GNAL: variants seen among roughly 807,000 people sequenced by gnomAD.
GNAL encodes the protein G protein subunit alpha L.
A neutral mutation model predicts 55.1 loss-of-function variants in GNAL; 18 were observed. That is an observed-to-expected ratio of 0.33 (90% confidence interval 0.23 to 0.48). The LOEUF (loss-of-function observed/expected upper bound fraction) is 0.48. GNAL is among the 20% of genes least tolerant of loss of function. The probability of loss-of-function intolerance (pLI) is 0.99; values close to 1 mark genes in which losing one functional copy is unlikely to be tolerated. For missense variants in GNAL, 412 were observed against 614.1 expected (o/e 0.67, Z 3.48); for synonymous variants, 253 against 237.0 (o/e 1.07, Z -0.62).
intron 5 of GNAL, among the ~76,000 whole-genome samples, chr18:11,845,835 C>T (rs1170153149): frequency 6.6e-6 from 1 of 151,582 alleles, no homozygotes; most frequent in South Asian, 2.1e-4. Flanking sequence ...GAGAAGGGGC[C>T]CAGTCAGCCT....
chr18:11,751,386 G>T lies in GNAL; in HGVS notation c.377-1467G>T. 2.4e-6 allele frequency: 1 copy of T among 415,828 alleles called. No individual in the cohort carries two copies. Among genetic ancestry groups the T allele is most frequent in the Non-Finnish European group, 3.2e-6 (1 of 309,080 alleles). 25.8% of individuals were successfully genotyped at this position (415,828 alleles called of 1,614,324 possible). On this transcript the variant is annotated intron_variant, in intron 1 of 11. Transcript: ENST00000334049. The surrounding 1 kb of genome is among the most constrained non-coding windows in gnomAD (Gnocchi z 4.5). ...CAGTGCCTTCTGGAAGAGTTGTTGT[G>T]CTGCTTGGGAGCACTGCACAGGAGA... is the stretch of plus-strand genomic sequence containing the variant.
chr18:11,753,956 C>A lies in GNAL; in HGVS notation c.624+11C>A. ...TTTGAATATTCCCAGGTAAGAAATG[C>A]TTACTGAAATATTCTAACTAGTGAA... On this transcript the variant is annotated intron_variant, in intron 4 of 11. Transcript: ENST00000334049. 1 of 1,591,736 alleles carries A rather than the reference C, an allele frequency of 6.3e-7. No individual in the cohort carries two copies. Among genetic ancestry groups the A allele is most frequent in the Non-Finnish European group, 8.6e-7 (1 of 1,161,310 alleles).
chr18:11,738,726 AGCAT>A lies in GNAL; in HGVS notation c.377-14125_377-14122del, dbSNP rs111781819. On this transcript the variant is annotated intron_variant, in intron 1 of 11. Coordinates refer to ENST00000334049, the MANE Select transcript of GNAL (RefSeq NM_182978.4). ...GGCCTCCCAGAGTGCTGGGATTACA[AGCAT>A]GAGCCACCACGCCCAGCCAAGCCTT... Among the ~76,000 whole-genome samples the A allele has an allele frequency of 6.6e-5, 10 of 152,246 alleles. 1 individual carries two copies. The highest frequency in any genetic ancestry group is 1.9e-4 in the African/African-American group (8 of 41,554).
intron 1 of GNAL, among the ~76,000 whole-genome samples, chr18:11,707,155 G>T (rs1244271598): frequency 6.6e-6 from 1 of 152,196 alleles, no homozygotes; most frequent in East Asian, 1.9e-4. Flanking sequence ...CTACAGGCAT[G>T]TGCCACCATG....
intron 1 of GNAL, among the ~76,000 whole-genome samples, chr18:11,703,594 C>T (rs1214080251): frequency 2.0e-5 from 3 of 152,166 alleles, no homozygotes; most frequent in Non-Finnish European, 4.4e-5. Context: ...ATTTGATAAG[C>T]GCTGCGTGGA....
chr18:11,694,736 T>A (rs2031356704), intron 1 of GNAL, among the ~76,000 whole-genome samples: 1 of 152,166 alleles, frequency 6.6e-6, no homozygotes, highest in Non-Finnish European at 1.5e-5. Flanking sequence ...GTCAGCTTGC[T>A]TACCTACCAA....
chr18:11,821,828 CT>C (rs763469348), intron 4 of GNAL, among the ~76,000 whole-genome samples: 25 of 152,236 alleles, frequency 1.6e-4, no homozygotes, highest in Non-Finnish European at 2.5e-4. Flanking sequence ...CTAGAATGTC[CT>C]CCCTTTCCAG....
chr18:11,763,500 A>G (rs2033310066), intron 4 of GNAL, among the ~76,000 whole-genome samples: 1 of 151,956 alleles, frequency 6.6e-6, no homozygotes, highest in South Asian at 2.1e-4. Flanking sequence ...CAGCCTCCCA[A>G]GTAGCTGGGA....
intron 1 of GNAL, among the ~76,000 whole-genome samples, chr18:11,737,458 C>T (rs1470954904): frequency 6.6e-6 from 1 of 152,224 alleles, no homozygotes; most frequent in Non-Finnish European, 1.5e-5. Flanking sequence ...GAATGTTTCT[C>T]TCTTCCACTC....
intron 5 of GNAL, among the ~76,000 whole-genome samples, chr18:11,828,704 A>T (rs143646864): frequency 6.6e-6 from 1 of 152,204 alleles, no homozygotes; most frequent in East Asian, 1.9e-4. Context: ...CACCGTAGTA[A>T]TAGAATTAAT....
intron 5 of GNAL, among the ~76,000 whole-genome samples, chr18:11,825,277 C>T (rs1454914630): frequency 6.6e-6 from 1 of 152,156 alleles, no homozygotes; most frequent in Non-Finnish European, 1.5e-5. Flanking sequence ...TTGACTTTTA[C>T]ATAGAGCTAT....
At chr18:11,722,287 T>TA (rs2032113226) in intron 1 of GNAL, among the ~76,000 whole-genome samples, 1 of 152,336 alleles carries the variant, frequency 6.6e-6, no homozygotes, top group South Asian at 2.1e-4. Context: ...CTCAGAAACT[T>TA]AACTGGGGTA....
Position 11,753,717 on chromosome 18 carries a change from G to A in GNAL, c.504+35G>A, listed in dbSNP as rs8095592. 0.29 allele frequency: 427,166 copies of A among 1,490,304 alleles called. 64,663 individuals carry two copies. Among genetic ancestry groups the A allele is most frequent in the African/African-American group, 0.49 (35,630 of 72,644 alleles). The allele number at this position is 1,490,304 out of a possible 1,614,324, so 92.3% of individuals were successfully genotyped here. A position where few individuals can be genotyped will look rare whatever the true frequency, so the allele number is the denominator to read the frequency against. On this transcript the variant is annotated intron_variant, in intron 3 of 11. Coordinates refer to ENST00000334049, the MANE Select transcript of GNAL (RefSeq NM_182978.4). ...TTTTTAAATGATTGTTTACTAGAAA[G>A]GTCAAGTGCTCTTCATTCTAAAACT...
chr18:11,807,525 G>T (rs973158060), intron 4 of GNAL, among the ~76,000 whole-genome samples: 2 of 152,246 alleles, frequency 1.3e-5, no homozygotes, highest in African/African-American at 4.8e-5. Flanking sequence ...CCGGGCCGTG[G>T]GGGGAAACCG....
At chr18:11,756,864 A>G (rs1341582977) in intron 4 of GNAL, among the ~76,000 whole-genome samples, 1 of 152,210 alleles carries the variant, frequency 6.6e-6, no homozygotes, top group Non-Finnish European at 1.5e-5. Flanking sequence ...AATAGTAAAC[A>G]AAACACTGTT....
At chr18:11,746,084 A>T (rs933702019) in intron 1 of GNAL, 1 of 480,806 alleles carries the variant, frequency 2.1e-6, no homozygotes, top group African/African-American at 2.0e-5. Flanking sequence ...TTCTTGTTCC[A>T]TTGGAGCACT....
rs1047959759 is a variant in GNAL, at chr18:11,799,219, G to A, written c.625-25699G>A. Among the ~76,000 whole-genome samples, 15 of 152,092 alleles carry A rather than the reference G, an allele frequency of 9.9e-5. No homozygotes were observed. In the South Asian group the frequency reaches 2.7e-3, roughly 27 times the overall value. The stretch of plus-strand genomic sequence containing the variant: ...AAGCCCATATCCCCATGTGTCCCCA[G>A]CCACAGGGACAGTCTGTCCCTCTGA... On this transcript the variant is annotated intron_variant, in intron 4 of 11. Coordinates refer to ENST00000334049, the MANE Select transcript of GNAL (RefSeq NM_182978.4).
intron 1 of GNAL, among the ~76,000 whole-genome samples, chr18:11,725,882 C>T (rs957512734): frequency 4.6e-5 from 7 of 152,344 alleles, no homozygotes; most frequent in Middle Eastern, 6.8e-3. Flanking sequence ...TAACATTTTG[C>T]ATTCCCACCA....
Position 11,769,921 on chromosome 18 carries a change from A to G in GNAL, c.624+15976A>G, listed in dbSNP as rs116532343. Among the ~76,000 whole-genome samples, 1,198 of 152,326 alleles carry G rather than the reference A, an allele frequency of 7.9e-3. 9 individuals carry two copies. The highest frequency in any genetic ancestry group is 0.027 in the African/African-American group (1,128 of 41,572). On this transcript the variant is annotated intron_variant, in intron 4 of 11. Transcript: ENST00000334049. ...GTAAATGATGAACATTTTTTTAAAA[A>G]TATTACCAAATATTGATGGGATATG...
Sources: allele counts gnomAD v4.1 joint callset (sites outside exome capture counted in the v4.1 genomes callset), GRCh38; gene constraint gnomAD v4.1.1; non-coding constraint Gnocchi (gnomAD v3.1); transcripts MANE v1.5; gene names NCBI Gene and HGNC (gene_info 2026-07-23, HGNC 2026-07-21).